Variants in MYRIP observed in about 807,000 individuals in gnomAD.
MYRIP encodes the protein rab effector MyRIP.
MYRIP carries 49 observed loss-of-function variants against 98.0 expected under a neutral mutation model. The ratio of observed to expected loss-of-function variants is 0.50; its 90% confidence interval spans 0.40 to 0.63. MYRIP has a LOEUF of 0.63. MYRIP is among the 30% of genes least tolerant of loss of function. The probability of loss-of-function intolerance (pLI) is 0.00; values close to 1 mark genes in which losing one functional copy is unlikely to be tolerated. For synonymous variants in MYRIP, 404 were observed against 409.5 expected, an observed-to-expected ratio of 0.99 and a Z score of 0.16; for missense variants, 1,004 against 1,058.2, an observed-to-expected ratio of 0.95 and a Z score of 0.71.
At chr3:40,084,156 A>T (rs1213125105) in intron 3 of MYRIP, among the ~76,000 whole-genome samples, 1 of 147,260 alleles carries the variant, frequency 6.8e-6, no homozygotes, top group African/African-American at 2.5e-5. Flanking sequence ...AAAAAAAAAA[A>T]AAAAAAAAGA....
chr3:40,134,768 A>C (rs1250671970), intron 3 of MYRIP, among the ~76,000 whole-genome samples: 1 of 152,236 alleles, frequency 6.6e-6, no homozygotes, highest in Non-Finnish European at 1.5e-5. Flanking sequence ...TACCCAGGCA[A>C]ACAGGATCTG....
chr3:40,146,385 C>G (rs1422713478), intron 3 of MYRIP, among the ~76,000 whole-genome samples: 1 of 152,184 alleles, frequency 6.6e-6, no homozygotes, highest in African/African-American at 2.4e-5. Context: ...TGTTAAAAGA[C>G]AGTGTGAACA....
chr3:39,992,763 T>A (rs1946210937), intron 2 of MYRIP, among the ~76,000 whole-genome samples: 1 of 152,206 alleles, frequency 6.6e-6, no homozygotes, highest in Non-Finnish European at 1.5e-5. Flanking sequence ...TTGTTTATGG[T>A]CCTTTTCTAG....
rs1164765395 is a variant in MYRIP, at chr3:40,081,731, A to G, written c.332+37460A>G. Among the ~76,000 whole-genome samples, 3 of 152,356 alleles carry G rather than the reference A, an allele frequency of 2.0e-5. 1 individual carries two copies. In the South Asian group the frequency reaches 6.2e-4, roughly 32 times the overall value. On this transcript the variant is annotated intron_variant, in intron 3 of 16. Coordinates refer to ENST00000302541, the MANE Select transcript of MYRIP (RefSeq NM_015460.4). ...TCTTAGCAATTTTGAAATACAACGT[A>G]TATTATTAGCTATAGTCAACATGTT...
intron 1 of MYRIP, among the ~76,000 whole-genome samples, chr3:39,890,170 G>T (rs968869967): frequency 6.6e-6 from 1 of 150,580 alleles, no homozygotes; most frequent in Non-Finnish European, 1.5e-5. Context: ...TTTTAAACTC[G>T]TTTTTTTTCC....
chr3:40,062,780 A>C (rs757862505), intron 3 of MYRIP, among the ~76,000 whole-genome samples: 1 of 152,216 alleles, frequency 6.6e-6, no homozygotes, highest in Non-Finnish European at 1.5e-5. Flanking sequence ...AAAAATATCT[A>C]TTATTGAAAT....
chr3:40,182,258 C>G lies in MYRIP; in HGVS notation c.912C>G (p.Ala304=). Residue 304 remains alanine (A), a synonymous_variant, in exon 9 of 17, where the codon GCC becomes GCG. Transcript: ENST00000302541. ...CCTTCTCAATCACTGGAGAAGAAGC[C>G]CTGAAGACCCCTCCAGTGGAGGCTC... ...QSAFSITGEE[A]LKTPPVEAPS... The G allele has an allele frequency of 6.2e-7, 1 of 1,613,642 alleles. No individual in the cohort carries two copies. The highest frequency in any genetic ancestry group is 8.5e-7 in the Non-Finnish European group (1 of 1,179,800).
chr3:40,231,981 T>C (rs1348777923), intron 11 of MYRIP, among the ~76,000 whole-genome samples: 5 of 152,176 alleles, frequency 3.3e-5, no homozygotes, highest in African/African-American at 7.2e-5. Flanking sequence ...GCCCAATTTG[T>C]CTCCAAAATC....
chr3:39,822,728 C>T (rs903104384), intron 1 of MYRIP, among the ~76,000 whole-genome samples: 1 of 152,206 alleles, frequency 6.6e-6, no homozygotes, highest in African/African-American at 2.4e-5. Context: ...GTTCTACTTT[C>T]ATTTGTATGA....
intron 3 of MYRIP, among the ~76,000 whole-genome samples, chr3:40,146,670 C>T (rs1559420297): frequency 1.3e-5 from 2 of 152,174 alleles, no homozygotes; most frequent in African/African-American, 4.8e-5. Context: ...ACTGACCTCT[C>T]GGTCCCTGCC....
chr3:40,094,122 G>C (rs888959000), intron 3 of MYRIP, among the ~76,000 whole-genome samples: 19 of 152,076 alleles, frequency 1.2e-4, no homozygotes, highest in African/African-American at 4.6e-4. Context: ...CATCATCACA[G>C]ACTGCTATCC....
intron 2 of MYRIP, among the ~76,000 whole-genome samples, chr3:39,966,113 G>C (rs1945435965): frequency 3.9e-5 from 6 of 152,108 alleles, no homozygotes; most frequent in Admixed American, 3.9e-4. Context: ...GTACACCCCA[G>C]CCTGTTCTGT....
chr3:40,158,012 C>A (rs997267580), intron 4 of MYRIP, among the ~76,000 whole-genome samples: 24 of 152,092 alleles, frequency 1.6e-4, no homozygotes, highest in African/African-American at 5.8e-4. Flanking sequence ...CTGCTCTGAT[C>A]TTAGTTATTT....
chr3:39,983,760 T>C (rs982140568), intron 2 of MYRIP, among the ~76,000 whole-genome samples: 1 of 152,088 alleles, frequency 6.6e-6, no homozygotes, highest in African/African-American at 2.4e-5. Context: ...CTAAGAAAAA[T>C]AATAGTAGGG....
At position 40,166,972 on chromosome 3, in the gene MYRIP, G is replaced by A. The variant is rs377040723; in HGVS notation, c.648+29G>A. ...GGGCCCCTCCTGCTCCTCTCTGTGG[G>A]GGGAGGTGTGGGTTGGGGTCCTTGC... On this transcript the variant is annotated intron_variant, in intron 6 of 16. Coordinates refer to ENST00000302541, the MANE Select transcript of MYRIP (RefSeq NM_015460.4). 4.5e-6 allele frequency: 7 copies of A among 1,555,848 alleles called. No homozygotes were observed. The African/African-American group carries it at 8.1e-5, about 18-fold the overall frequency.
At chr3:39,877,633 A>G (rs1943035946) in intron 1 of MYRIP, among the ~76,000 whole-genome samples, 1 of 152,358 alleles carries the variant, frequency 6.6e-6, no homozygotes, top group Non-Finnish European at 1.5e-5. Flanking sequence ...CCTGGGTAAC[A>G]GCAGCGGTGG....
intron 10 of MYRIP, among the ~76,000 whole-genome samples, chr3:40,204,047 A>ATATT (rs1951692110): frequency 2.8e-4 from 2 of 7,146 alleles, no homozygotes; most frequent in African/African-American, 6.7e-4. Context: ...TATTATATAT[A>ATATT]ATATATTTAT....
chr3:40,098,508 T>C (rs1242218755), intron 3 of MYRIP, among the ~76,000 whole-genome samples: 1 of 152,154 alleles, frequency 6.6e-6, no homozygotes, highest in Non-Finnish European at 1.5e-5. Context: ...CTATCTAAGT[T>C]CTACATAAAC....
chr3:40,072,123 G>T (rs1948244642), intron 3 of MYRIP, among the ~76,000 whole-genome samples: 1 of 152,168 alleles, frequency 6.6e-6, no homozygotes, highest in Non-Finnish European at 1.5e-5. Context: ...AGGCTGTAGG[G>T]CTTGCCTGGG....
Sources: gnomAD v4.1 joint callset for allele counts (sites outside exome capture counted in the v4.1 genomes callset) on GRCh38, gnomAD v4.1.1 for gene constraint, MANE v1.5 for transcripts, NCBI Gene and HGNC (gene_info 2026-07-23, HGNC 2026-07-21) for gene names.